TENM3: variants seen among roughly 807,000 people sequenced by gnomAD.
The protein encoded by TENM3 is teneurin-3.
A neutral mutation model predicts 255.1 loss-of-function variants in TENM3; 63 were observed. The observed-to-expected ratio is 0.25, with a 90% CI of 0.20 to 0.30. The LOEUF (loss-of-function observed/expected upper bound fraction) is 0.30, where lower values mean the gene tolerates loss of function less well. Among genes scored for constraint, TENM3 ranks in the 10% least tolerant of loss-of-function variants. The pLI is 1.00. For synonymous variants in TENM3, 1,306 were observed against 1,322.3 expected, an observed-to-expected ratio of 0.99 and a Z score of 0.27; for missense variants, 2,929 against 3,461.1, an observed-to-expected ratio of 0.85 and a Z score of 3.86.
chr4:182,228,015 G>C (rs1055228411), intron 1 of TENM3, among the ~76,000 whole-genome samples: 1 of 152,118 alleles, frequency 6.6e-6, no homozygotes, highest in African/African-American at 2.4e-5. Flanking sequence ...CATATTTGGA[G>C]TGTTTTTAAG....
In TENM3 at chr4:182,517,635, G is replaced by A. The variant is rs529199763; in HGVS notation, c.512-83289G>A. Among the ~76,000 whole-genome samples the A allele has an allele frequency of 9.2e-4, 120 of 129,890 alleles. 5 individuals are homozygous for A. The highest frequency in any genetic ancestry group is 3.7e-3 in the Middle Eastern group (1 of 268). 85.2% of individuals were successfully genotyped at this position (129,890 alleles called of 152,430 possible). A position where few individuals can be genotyped will look rare whatever the true frequency, so the allele number is the denominator to read the frequency against. On this transcript the variant is annotated intron_variant, in intron 3 of 27. Coordinates refer to ENST00000511685, the MANE Select transcript of TENM3 (RefSeq NM_001080477.4). Reference sequence around the variant, plus strand: ...CCTGACCTCGTGATCCGCCCGCCTCGGCCTCCCAAAGTGCTGGGATTACAG... The same window carrying A: ...CCTGACCTCGTGATCCGCCCGCCTCAGCCTCCCAAAGTGCTGGGATTACAG...
chr4:182,006,859 G>C, the TENM3 span, among the ~76,000 whole-genome samples: 1 of 152,068 alleles, frequency 6.6e-6, no homozygotes, highest in Non-Finnish European at 1.5e-5. Flanking sequence ...TCTTCTGTGG[G>C]CATTTAGTAC....
At chr4:182,204,782 A>T (rs1305914265) in intron 1 of TENM3, among the ~76,000 whole-genome samples, 5 of 152,218 alleles carry the variant, frequency 3.3e-5, no homozygotes, top group African/African-American at 7.2e-5. Context: ...ATGCAAATTT[A>T]AAAAAACCCA....
Position 182,632,611 on chromosome 4 carries a change from T to C in TENM3, c.988+3722T>C, listed in dbSNP as rs903253772. ...TGGGGCTATTCTCTTTTCTTTTTGATTTAAAAAGGCTATTTTCAATTAAGG... is the reference window on the plus strand; with the variant it reads ...TGGGGCTATTCTCTTTTCTTTTTGACTTAAAAAGGCTATTTTCAATTAAGG... On this transcript the variant is annotated intron_variant, in intron 5 of 27. Coordinates refer to ENST00000511685, the MANE Select transcript of TENM3 (RefSeq NM_001080477.4). 2.0e-5 allele frequency among the ~76,000 whole-genome samples: 3 copies of C among 152,192 alleles called. No homozygotes were observed. The South Asian group carries it at 6.2e-4, about 31-fold the overall frequency.
At chr4:182,709,176 T>C (rs1266590002) in intron 12 of TENM3, among the ~76,000 whole-genome samples, 1 of 151,716 alleles carries the variant, frequency 6.6e-6, no homozygotes, top group Non-Finnish European at 1.5e-5. Context: ...AGAGTCGGGG[T>C]TTCACCATGT....
chr4:181,450,295 G>A, the TENM3 span, among the ~76,000 whole-genome samples: 1 of 152,090 alleles, frequency 6.6e-6, no homozygotes, highest in African/African-American at 2.4e-5. Flanking sequence ...TAACGTTTTT[G>A]GAGTAACATC....
chr4:181,525,653 T>G, the TENM3 span, among the ~76,000 whole-genome samples: 1 of 152,180 alleles, frequency 6.6e-6, no homozygotes, highest in African/African-American at 2.4e-5. Flanking sequence ...TGTGTTTTTT[T>G]GTTTTTGTAT....
At chr4:182,674,839 G>A (rs1009293868) in intron 7 of TENM3, among the ~76,000 whole-genome samples, 3 of 151,982 alleles carry the variant, frequency 2.0e-5, no homozygotes, top group Admixed American at 2.0e-4. Flanking sequence ...CCAAAGGACT[G>A]GGATTACAGG....
chr4:182,629,037 A>G, intron 5 of TENM3, 148 bp downstream of exon 5: 1 of 631,120 alleles, frequency 1.6e-6, no homozygotes. Flanking sequence ...TAAATCACAG[A>G]GTATTTTCAG....
At chr4:182,246,554 A>C (rs1757662068) in intron 1 of TENM3, among the ~76,000 whole-genome samples, 1 of 152,222 alleles carries the variant, frequency 6.6e-6, no homozygotes, top group Non-Finnish European at 1.5e-5. Context: ...CCAGCAAACC[A>C]GCCCTCCTTC....
intron 3 of TENM3, among the ~76,000 whole-genome samples, chr4:182,469,035 GA>G (rs1732870716): frequency 6.6e-6 from 1 of 152,102 alleles, no homozygotes; most frequent in Non-Finnish European, 1.5e-5. Context: ...ATGACGATGA[GA>G]TGATTTTAGG....
the TENM3 span, among the ~76,000 whole-genome samples, chr4:181,882,669 G>A: frequency 2.0e-5 from 3 of 152,230 alleles, no homozygotes; most frequent in African/African-American, 7.2e-5. Context: ...TACTCCTAAG[G>A]TCTCCTCTAA....
chr4:181,450,990 G>A, the TENM3 span, among the ~76,000 whole-genome samples: 2 of 151,596 alleles, frequency 1.3e-5, no homozygotes, highest in Non-Finnish European at 2.9e-5. Context: ...CCAGGTGTTG[G>A]GGGTCATGGA....
intron 1 of TENM3, among the ~76,000 whole-genome samples, chr4:182,245,059 A>G (rs946210916): frequency 4.1e-4 from 62 of 152,226 alleles, no homozygotes; most frequent in African/African-American, 1.5e-3. Context: ...GAAACATTCA[A>G]AACAATCGAG....
chr4:182,779,338 T>G lies in TENM3; in HGVS notation c.5304+4185T>G, dbSNP rs552436403. On this transcript the variant is annotated intron_variant, in intron 24 of 27. Transcript: ENST00000511685. ...TTTTTTTGTACTTGCGATAGTTTAC[T>G]GAGAATGATGTTTTCCAATTTCATC... Among the ~76,000 whole-genome samples, 18 of 152,288 alleles carry G rather than the reference T, an allele frequency of 1.2e-4. No homozygotes were observed. The South Asian group carries it at 3.7e-3, about 32-fold the overall frequency.
chr4:181,697,327 C>T, the TENM3 span, among the ~76,000 whole-genome samples: 1 of 152,148 alleles, frequency 6.6e-6, no homozygotes, highest in African/African-American at 2.4e-5. Context: ...TTGAAGCCAT[C>T]AGTAGATGCA....
At chr4:181,689,980 T>A in the TENM3 span, among the ~76,000 whole-genome samples, 1 of 151,838 alleles carries the variant, frequency 6.6e-6, no homozygotes. Context: ...GATGGAGAGG[T>A]GATGCAGGGG....
chr4:182,447,680 G>A (rs745433030), intron 3 of TENM3, among the ~76,000 whole-genome samples: 1 of 152,156 alleles, frequency 6.6e-6, no homozygotes, highest in Non-Finnish European at 1.5e-5. Context: ...TTAAAATATG[G>A]AATGAGAGCT....
intron 3 of TENM3, among the ~76,000 whole-genome samples, chr4:182,459,396 G>T (rs1401349641): frequency 1.3e-5 from 2 of 152,056 alleles, no homozygotes; most frequent in Admixed American, 6.6e-5. Flanking sequence ...CCTTTCACGT[G>T]TCATGATTAA....
Sources: gnomAD v4.1 joint callset for allele counts (sites outside exome capture counted in the v4.1 genomes callset) on GRCh38, gnomAD v4.1.1 for gene constraint, MANE v1.5 for transcripts, NCBI Gene and HGNC (gene_info 2026-07-23, HGNC 2026-07-21) for gene names.